CORO7: variants seen among roughly 807,000 people sequenced by gnomAD.
CORO7 encodes coronin 7, also known as coronin-7.
Under a neutral mutation model 126.6 loss-of-function variants are expected in CORO7, and 107 were observed. The ratio of observed to expected loss-of-function variants is 0.85; its 90% CI spans 0.72 to 0.99. The LOEUF (loss-of-function observed/expected upper bound fraction) is 0.99, where lower values mean the gene tolerates loss of function less well. Ranked by LOEUF, CORO7 falls within the 50% of genes least tolerant of loss-of-function variation. The pLI, the probability that CORO7 is intolerant of heterozygous loss-of-function variation, is 0.00. For missense variants in CORO7, 1,314 were observed against 1,255.8 expected (o/e 1.05, Z -0.70); for synonymous variants, 603 against 536.8 (o/e 1.12, Z -1.70).
Position 4,364,835 on chromosome 16 carries a change from G to C in CORO7, c.984C>G (p.Leu328=), listed in dbSNP as rs767146094. ...CTGTGTCGCTCAGCTGTAGGACGCG[G>C]AGTACCTCGCAGCTCATGACGGCCA... ...QALAVMSCEV[L]RVLQLSDTAI... is the part of the protein sequence containing the mutation. The change falls in exon 12 of 28, where the codon CTC becomes CTG. Residue 328 remains leucine, a synonymous_variant. Coordinates refer to ENST00000251166, the MANE Select transcript of CORO7 (RefSeq NM_024535.5). 30 of 1,612,138 alleles carry C rather than the reference G, an allele frequency of 1.9e-5. No individual in the cohort carries two copies. Among genetic ancestry groups the C allele is most frequent in the Non-Finnish European group, 2.5e-5 (30 of 1,179,914 alleles).
At chr16:4,401,037 G>A (rs183024386) in intron 6 of CORO7, among the ~76,000 whole-genome samples, 2 of 152,214 alleles carry the variant, frequency 1.3e-5, no homozygotes, top group African/African-American at 2.4e-5. Flanking sequence ...GTGAATTCCC[G>A]CTCCATGTGC....
At chr16:4,387,561 C>A (rs1366925486) in intron 9 of CORO7, among the ~76,000 whole-genome samples, 5 of 149,724 alleles carry the variant, frequency 3.3e-5, no homozygotes, top group African/African-American at 1.2e-4. Flanking sequence ...CCCCCACCCC[C>A]ACCCTGCCAG....
At chr16:4,374,597 C>G (rs527317012) in intron 9 of CORO7, among the ~76,000 whole-genome samples, 1 of 152,038 alleles carries the variant, frequency 6.6e-6, no homozygotes, top group Non-Finnish European at 1.5e-5. Flanking sequence ...CCCTGGGCCC[C>G]GAGCCCGGCT....
At chr16:4,368,934 G>C (rs1226966843) in intron 9 of CORO7, among the ~76,000 whole-genome samples, 1 of 152,208 alleles carries the variant, frequency 6.6e-6, no homozygotes, top group Non-Finnish European at 1.5e-5. Context: ...AGTAGGATAG[G>C]CAGGTCTCCT....
At chr16:4,410,893 A>C (rs2056181362) in intron 3 of CORO7, among the ~76,000 whole-genome samples, 2 of 152,218 alleles carry the variant, frequency 1.3e-5, no homozygotes, top group Admixed American at 1.3e-4. Flanking sequence ...ATTTACAAAA[A>C]CAGGCAGCCA....
chr16:4,362,307 G>A lies in CORO7; in HGVS notation c.1403-147C>T. 1.6e-6 allele frequency: 2 copies of A among 1,219,182 alleles called. No homozygotes were observed. The highest frequency in any genetic ancestry group is 2.2e-6 in the Non-Finnish European group (2 of 894,730). 75.5% of individuals were successfully genotyped at this position (1,219,182 alleles called of 1,614,324 possible). ...CCAGGCCTTTGCTAATCCAGTGGAT[G>A]CAACTCGCCCAGGAATAATGTCTGG... On this transcript the variant is annotated intron_variant, in intron 15 of 27. Coordinates refer to ENST00000251166, the MANE Select transcript of CORO7 (RefSeq NM_024535.5). The surrounding 1 kb of genome is among the most constrained non-coding windows in gnomAD (Gnocchi z 5.3).
chr16:4,390,458 G>A (rs1198769859), intron 7 of CORO7, among the ~76,000 whole-genome samples: 2 of 152,218 alleles, frequency 1.3e-5, no homozygotes, highest in African/African-American at 4.8e-5. Context: ...TGTAAGTGAG[G>A]GAAGACCTAG....
At chr16:4,399,710 T>A (rs1247893526) in intron 6 of CORO7, among the ~76,000 whole-genome samples, 1 of 151,976 alleles carries the variant, frequency 6.6e-6, no homozygotes, top group African/African-American at 2.4e-5. Flanking sequence ...GGCAACACAG[T>A]GAGATCCCTG....
intron 9 of CORO7, among the ~76,000 whole-genome samples, chr16:4,368,715 TC>T (rs1353929895): frequency 7.0e-6 from 1 of 142,286 alleles, no homozygotes. Flanking sequence ...ACCACTGCAT[TC>T]CAGCCTTGGC....
At position 4,361,496 on chromosome 16, in the gene CORO7, C is replaced by A. The variant is rs1207865505; in HGVS notation, c.1579-27G>T. On this transcript the variant is annotated intron_variant, in intron 16 of 27. Transcript: ENST00000251166. ...TGTGGGAGGTGCCCCCACCCCGAGG[C>A]CCATCAGTACCAGGCAGAAAAGCCA... The A allele has an allele frequency of 6.2e-6, 10 of 1,607,836 alleles. No individual in the cohort carries two copies. In the Admixed American group the frequency reaches 1.7e-4, roughly 27 times the overall value.
chr16:4,407,073 G>T (rs974309694), intron 5 of CORO7, among the ~76,000 whole-genome samples: 27 of 152,078 alleles, frequency 1.8e-4, no homozygotes, highest in African/African-American at 6.0e-4. Flanking sequence ...GCAGCCTTCT[G>T]AGTAGCTGGG....
chr16:4,413,280 A>C (rs372588527), intron 2 of CORO7, 28 bp downstream of exon 2: 127 of 1,552,600 alleles, frequency 8.2e-5, no homozygotes, highest in Middle Eastern at 3.4e-4. Flanking sequence ...TATGTGAGCA[A>C]ATATCCACAC....
At chr16:4,392,918 G>A (rs994351181) in intron 7 of CORO7, among the ~76,000 whole-genome samples, 3 of 152,200 alleles carry the variant, frequency 2.0e-5, no homozygotes, top group Non-Finnish European at 2.9e-5. Context: ...AGGTCTCCTC[G>A]CCCCAAAGCC....
chr16:4,387,489 C>A (rs987991610), intron 9 of CORO7, among the ~76,000 whole-genome samples: 1 of 151,960 alleles, frequency 6.6e-6, no homozygotes, highest in Non-Finnish European at 1.5e-5. Context: ...GTGGAGTAGG[C>A]CGCATAAACC....
At position 4,388,536 on chromosome 16, in the gene CORO7, A is replaced by G. The variant is rs200985086; in HGVS notation, c.702+9T>C. The G allele has an allele frequency of 3.2e-5, 51 of 1,610,826 alleles. No homozygotes were observed. The highest frequency in any genetic ancestry group is 2.2e-5 in the Non-Finnish European group (26 of 1,179,130). On this transcript the variant is annotated intron_variant, in intron 8 of 27. Transcript: ENST00000251166. ...GCCGTGCCCTGCTCCTCCAGGAGGA[A>G]CCCCCTACCTGGTTGAATCCAGTAG...
intron 7 of CORO7, among the ~76,000 whole-genome samples, chr16:4,394,508 G>A (rs927017654): frequency 6.7e-6 from 1 of 149,636 alleles, no homozygotes; most frequent in African/African-American, 2.5e-5. Flanking sequence ...CCATGGGCCC[G>A]TATCCCCCAG....
At position 4,360,936 on chromosome 16, in the gene CORO7, G is replaced by A. The variant is rs561648111; in HGVS notation, c.1917+7C>T. 5.8e-5 allele frequency: 93 copies of A among 1,609,198 alleles called. 1 individual carries two copies. In the South Asian group the frequency reaches 7.0e-4, roughly 12 times the overall value. On this transcript the variant is annotated splice_region_variant and intron_variant, in intron 19 of 27. Transcript: ENST00000251166. ...CACTGCTGGCCCCACCTCTGCAGCCGTCCTACCTGGTCTTGGTGGCCCTGC... is the reference window on the plus strand; with the variant it reads ...CACTGCTGGCCCCACCTCTGCAGCCATCCTACCTGGTCTTGGTGGCCCTGC...
chr16:4,408,155 C>G, intron 4 of CORO7, 26 bp downstream of exon 4: 1 of 1,614,000 alleles, frequency 6.2e-7, no homozygotes, highest in East Asian at 2.2e-5. Context: ...GGACATAGAG[C>G]AGCTCTTCCA....
chr16:4,401,841 G>C (rs576690902), intron 6 of CORO7, among the ~76,000 whole-genome samples: 13 of 152,106 alleles, frequency 8.5e-5, no homozygotes, highest in African/African-American at 3.1e-4. Context: ...CCCGAGTCCA[G>C]ATGCCAACAC....
Sources: gnomAD v4.1 joint callset for allele counts (sites outside exome capture counted in the v4.1 genomes callset) on GRCh38, gnomAD v4.1.1 for gene constraint, Gnocchi (gnomAD v3.1) non-coding constraint, MANE v1.5 for transcripts, NCBI Gene and HGNC (gene_info 2026-07-23, HGNC 2026-07-21) for gene names.